The following ADAMTS4 variants were observed in gnomAD, a reference collection of about 807,000 sequenced individuals.
ADAMTS4 encodes A disintegrin and metalloproteinase with thrombospondin motifs 4.
A neutral mutation model predicts 66.7 loss-of-function variants in ADAMTS4; 38 were observed. The observed-to-expected ratio is 0.57, with a 90% CI of 0.44 to 0.75. The LOEUF (loss-of-function observed/expected upper bound fraction) is 0.75, where lower values mean the gene tolerates loss of function less well. ADAMTS4 is among the 30% of genes least tolerant of loss of function. The pLI, the probability that ADAMTS4 is intolerant of heterozygous loss-of-function variation, is 0.00. For synonymous variants in ADAMTS4, 418 were observed against 461.5 expected (o/e 0.91, Z 1.21); for missense variants, 1,014 against 1,116.7 (o/e 0.91, Z 1.31).
At chr1:161,197,258 G>A (rs1470465262) in intron 1 of ADAMTS4, 7 of 205,802 alleles carry the variant, frequency 3.4e-5, no homozygotes, top group South Asian at 2.7e-4. Flanking sequence ...GGGCTGCAAC[G>A]TGTCTGCCCT....
At chr1:161,195,405 A>G in intron 4 of ADAMTS4, 60 bp downstream of exon 4, 1 of 1,512,878 alleles carries the variant, frequency 6.6e-7, no homozygotes, top group South Asian at 1.3e-5. Flanking sequence ...CGGAAGTGAG[A>G]GTGCCCTGGA....
intron 4 of ADAMTS4, 114 bp downstream of exon 4, chr1:161,195,351 G>A (rs1451032001): frequency 5.5e-6 from 6 of 1,089,478 alleles, no homozygotes; most frequent in Non-Finnish European, 6.5e-6. Context: ...ACACTGCAGA[G>A]GAAGCACACT....
chr1:161,185,029 AAAG>A lies in ADAMTS4; in HGVS notation c.*6106_*6108del, dbSNP rs979301380. ...GAATGAGAATCTGTCTTAAGAAAAA[AAAG>A]AAGAAAAAGAAAGGCAGGGGGGGAG... On this transcript the variant is annotated 3_prime_UTR_variant, in exon 9 of 9. Coordinates refer to ENST00000367996, the MANE Select transcript of ADAMTS4 (RefSeq NM_005099.6). The A allele has an allele frequency of 7.4e-6, 1 of 135,724 alleles. No individual in the cohort carries two copies. Among genetic ancestry groups the A allele is most frequent in the Admixed American group, 7.7e-5 (1 of 13,002 alleles). 8.4% of individuals were successfully genotyped at this position (135,724 alleles called of 1,614,324 possible).
Position 161,193,259 on chromosome 1 carries a change from G to A in ADAMTS4, c.1865C>T (p.Thr622Ile). The change falls in exon 7 of 9, where the codon ACC becomes ATC. Residue 622 changes from threonine to isoleucine, a missense_variant. By Grantham distance (89) the Thr-to-Ile change is moderately conservative. Transcript: ENST00000367996. This position sits in a 1 kb window ranked among gnomAD's most constrained non-coding sequence, Gnocchi z 4.4. ...GVAPQDQCKL[T>I]CQAQALGYYY... ...GTAGCCCAGTGCCTGGGCCTGGCAG[G>A]TGAGTTTGCACTGGTCCTGGGGGGC... 6.2e-7 allele frequency: 1 copy of A among 1,614,066 alleles called. No individual in the cohort carries two copies. The highest frequency in any genetic ancestry group is 8.5e-7 in the Non-Finnish European group (1 of 1,179,996).
intron 1 of ADAMTS4, 165 bp from the exon 2 acceptor site, chr1:161,197,045 C>A: frequency 3.2e-6 from 2 of 627,988 alleles, no homozygotes; most frequent in Non-Finnish European, 5.5e-6. Context: ...TTGGGCCCTT[C>A]CCCCAACGCC....
At position 161,193,468 on chromosome 1, in the gene ADAMTS4, T is replaced by C. The variant is rs1664731372; in HGVS notation, c.1736-80A>G. On this transcript the variant is annotated intron_variant, in intron 6 of 8. Coordinates refer to ENST00000367996, the MANE Select transcript of ADAMTS4 (RefSeq NM_005099.6). This position sits in a 1 kb window ranked among gnomAD's most constrained non-coding sequence, Gnocchi z 4.4. ...CCCTCCACCCAACCCCTGAGAACTC[T>C]AGACAGCACAGCTCTGCTCTTCCCT... The C allele has an allele frequency of 2.6e-6, 4 of 1,554,196 alleles. No individual in the cohort carries two copies. The highest frequency in any genetic ancestry group is 2.3e-5 in the East Asian group (1 of 44,296).
intron 2 of ADAMTS4, 40 bp from the exon 3 acceptor site, chr1:161,196,343 A>C (rs200549421): frequency 3.4e-5 from 53 of 1,567,488 alleles, no homozygotes; most frequent in Non-Finnish European, 4.6e-5. Flanking sequence ...GACAGCCAAG[A>C]CACCTGGGTC....
rs143096816 is a variant in ADAMTS4, at chr1:161,192,109, G to A, written c.2043C>T (p.Asp681=). 7.6e-5 allele frequency: 123 copies of A among 1,614,048 alleles called. No individual in the cohort carries two copies. Among genetic ancestry groups the A allele is most frequent in the African/African-American group, 3.5e-4 (26 of 75,018 alleles). ...CTGACTGCTTGCTGCAACCAGAACC[G>A]TCCCCTCCGCACACCATGCACTTGT... The part of the protein sequence containing the change: ...KFDKCMVCGG[D]GSGCSKQSGS... Residue 681 remains aspartate, a synonymous_variant, in exon 8 of 9, where the codon GAC becomes GAT. Transcript: ENST00000367996.
chr1:161,194,780 T>C lies in ADAMTS4; in HGVS notation c.1262-559A>G, dbSNP rs926947239. On this transcript the variant is annotated intron_variant, in intron 4 of 8. Coordinates refer to ENST00000367996, the MANE Select transcript of ADAMTS4 (RefSeq NM_005099.6). The surrounding 1 kb of genome is among the most constrained non-coding windows in gnomAD (Gnocchi z 4.1). Reference sequence around the variant, plus strand: ...ATGCTTGACCAGCACTATTTAATCATGGCAAATACCTATGAGATAGGTACC... The same window carrying C: ...ATGCTTGACCAGCACTATTTAATCACGGCAAATACCTATGAGATAGGTACC... 2.0e-5 allele frequency among the ~76,000 whole-genome samples: 3 copies of C among 152,236 alleles called. No individual in the cohort carries two copies. Among genetic ancestry groups the C allele is most frequent in the African/African-American group, 7.2e-5 (3 of 41,466 alleles).
chr1:161,196,041 A>G, intron 3 of ADAMTS4, 130 bp downstream of exon 3: 2 of 1,137,538 alleles, frequency 1.8e-6, no homozygotes, highest in Non-Finnish European at 2.5e-6. Context: ...TGGAGCAGAG[A>G]GGAGTAATAG....
In ADAMTS4 at chr1:161,198,203, A is replaced by G. The variant is rs1165644171; in HGVS notation, c.425T>C (p.Leu142Pro). 2.5e-6 allele frequency: 4 copies of G among 1,613,978 alleles called. No individual in the cohort carries two copies. The highest frequency in any genetic ancestry group is 3.4e-6 in the Non-Finnish European group (4 of 1,179,982). The change falls in exon 1 of 9, where the codon CTG (leucine) becomes CCG (proline). Residue 142 changes from leucine (L) to proline (P), a missense_variant. Coordinates refer to ENST00000367996, the MANE Select transcript of ADAMTS4 (RefSeq NM_005099.6). This position sits in a 1 kb window ranked among gnomAD's most constrained non-coding sequence, Gnocchi z 4.7. Reference protein sequence around the residue: ...INGDPESVASLHWDGGALLGV... With the variant: ...INGDPESVASPHWDGGALLGV... ...TAACAGGGCTCCCCCATCCCAGTGC[A>G]GAGATGCCACCGACTCCGGATCTCC...
In ADAMTS4 at chr1:161,185,658, T is replaced by A. The variant is rs1311805734; in HGVS notation, c.*5480A>T. The A allele has an allele frequency of 1.3e-5, 2 of 152,030 alleles. No homozygotes were observed. The allele number at this position is 152,030 out of a possible 1,614,324, so 9.4% of individuals were successfully genotyped here. A position where few individuals can be genotyped will look rare whatever the true frequency, so the allele number is the denominator to read the frequency against. On this transcript the variant is annotated 3_prime_UTR_variant, in exon 9 of 9. Coordinates refer to ENST00000367996, the MANE Select transcript of ADAMTS4 (RefSeq NM_005099.6). ...TTCCTCCCCCACAAGCCCTGACCAA[T>A]GAGATGCTAGTTTTGTCACTTACTG...
Position 161,198,672 on chromosome 1 carries a change from C to T in ADAMTS4, c.-45G>A, listed in dbSNP as rs1412864689. 9.0e-6 allele frequency: 13 copies of T among 1,439,214 alleles called. No homozygotes were observed. The Admixed American group carries it at 1.6e-4, about 18-fold the overall frequency. 89.2% of individuals were successfully genotyped at this position (1,439,214 alleles called of 1,614,324 possible). A position where few individuals can be genotyped will look rare whatever the true frequency, so the allele number is the denominator to read the frequency against. Reference sequence around the variant, plus strand: ...GGAGGGACTGAGGCCGTCTAGGGCACCAAGTCCTCCACACCCTAGCTTTGG... The same window carrying T: ...GGAGGGACTGAGGCCGTCTAGGGCATCAAGTCCTCCACACCCTAGCTTTGG... On this transcript the variant is annotated 5_prime_UTR_variant, in exon 1 of 9. It adds an upstream start codon to the 5' untranslated region. Coordinates refer to ENST00000367996, the MANE Select transcript of ADAMTS4 (RefSeq NM_005099.6). The surrounding 1 kb of genome is among the most constrained non-coding windows in gnomAD (Gnocchi z 4.7).
rs1664650328 is a variant in ADAMTS4, at chr1:161,190,780, C to T, written c.*358G>A. 1 of 208,674 alleles carries T rather than the reference C, an allele frequency of 4.8e-6. No individual in the cohort carries two copies. Among genetic ancestry groups the T allele is most frequent in the Non-Finnish European group, 9.9e-6 (1 of 101,438 alleles). The allele number at this position is 208,674 out of a possible 1,614,324, so 12.9% of individuals were successfully genotyped here. ...GGGTCAGGGGTCAGGTTCCCCAGGA[C>T]CCTAGTCCTTGTCCCCTTCCCTGGT... On this transcript the variant is annotated 3_prime_UTR_variant, in exon 9 of 9. Transcript: ENST00000367996.
chr1:161,193,771 G>A lies in ADAMTS4; in HGVS notation c.1604C>T (p.Thr535Ile). 6.2e-7 allele frequency: 1 copy of A among 1,613,842 alleles called. No homozygotes were observed. Among genetic ancestry groups the A allele is most frequent in the East Asian group, 2.2e-5 (1 of 44,890 alleles). ...PWGPWGDCSR[T>I]CGGGVQFSSR... ...GGAGAACTGGACACCACCCCCACAG[G>A]TCCGAGAGCAGTCACCCCATGGTCC... The change falls in exon 6 of 9, where the codon ACC becomes ATC. Residue 535 changes from threonine (T) to isoleucine (I), a missense_variant. By Grantham distance (89) the Thr-to-Ile change is moderately conservative (BLOSUM62 -1). Transcript: ENST00000367996. This position sits in a 1 kb window ranked among gnomAD's most constrained non-coding sequence, Gnocchi z 4.4.
Position 161,198,697 on chromosome 1 carries a change from G to T in ADAMTS4, c.-70C>A. ...CCAAGTCCTCCACACCCTAGCTTTGGAAAGCTCCTCTCTGTAGCCTGGGGG... is the reference window on the plus strand; with the variant it reads ...CCAAGTCCTCCACACCCTAGCTTTGTAAAGCTCCTCTCTGTAGCCTGGGGG... On this transcript the variant is annotated 5_prime_UTR_variant, in exon 1 of 9. Coordinates refer to ENST00000367996, the MANE Select transcript of ADAMTS4 (RefSeq NM_005099.6). This position sits in a 1 kb window ranked among gnomAD's most constrained non-coding sequence, Gnocchi z 4.7. 2.2e-6 allele frequency: 3 copies of T among 1,375,036 alleles called. No individual in the cohort carries two copies. The highest frequency in any genetic ancestry group is 1.9e-6 in the Non-Finnish European group (2 of 1,038,568). The allele number at this position is 1,375,036 out of a possible 1,614,324, so 85.2% of individuals were successfully genotyped here.
In ADAMTS4 at chr1:161,195,586, C is replaced by G; in HGVS notation, c.1140G>C (p.Leu380Phe). The change falls in exon 4 of 9, where the codon TTG (leucine) becomes TTC (phenylalanine). Residue 380 changes from leucine (L) to phenylalanine (F), a missense_variant. Physicochemically the swap from Leu to Phe is conservative, Grantham distance 22. Transcript: ENST00000367996. ...LHDNSKPCIS[L>F]NGPLSTSRHV... is the part of the protein sequence containing the mutation. ...GGCGAGAGGTGCTCAAAGGCCCATTCAAACTGATGCATGGCTTGGAGTTGT... is the reference window on the plus strand; with the variant it reads ...GGCGAGAGGTGCTCAAAGGCCCATTGAAACTGATGCATGGCTTGGAGTTGT... 2 of 1,613,926 alleles carry G rather than the reference C, an allele frequency of 1.2e-6. No individual in the cohort carries two copies. The highest frequency in any genetic ancestry group is 1.7e-6 in the Non-Finnish European group (2 of 1,179,908).
In ADAMTS4 at chr1:161,193,838, C is replaced by T; in HGVS notation, c.1549-12G>A. 8 of 1,596,784 alleles carry T rather than the reference C, an allele frequency of 5.0e-6. No individual in the cohort carries two copies. Among genetic ancestry groups the T allele is most frequent in the Non-Finnish European group, 6.8e-6 (8 of 1,170,956 alleles). On this transcript the variant is annotated splice_polypyrimidine_tract_variant and intron_variant, in intron 5 of 8. Transcript: ENST00000367996. This position sits in a 1 kb window ranked among gnomAD's most constrained non-coding sequence, Gnocchi z 4.4. ...CCAGCCTGTGGAATCTGCAAAGGCA[C>T]AGAACGGAAGTGGGGCATAAGTGAA...
chr1:161,186,085 C>T lies in ADAMTS4; in HGVS notation c.*5053G>A, dbSNP rs60677420. 0.079 allele frequency: 12,051 copies of T among 152,334 alleles called. 524 individuals are homozygous for T. Among genetic ancestry groups the T allele is most frequent in the South Asian group, 0.13 (645 of 4,832 alleles). 9.4% of individuals were successfully genotyped at this position (152,334 alleles called of 1,614,324 possible). On this transcript the variant is annotated 3_prime_UTR_variant, in exon 9 of 9. Transcript: ENST00000367996. ...CATTTCCTCTTTTCATCTCCAGGAC[C>T]AGATACTTGAATTGTTTCAGTGCCT...
Sources: allele counts gnomAD v4.1 joint callset (sites outside exome capture counted in the v4.1 genomes callset), GRCh38; gene constraint gnomAD v4.1.1; non-coding constraint Gnocchi (gnomAD v3.1); transcripts MANE v1.5; gene names NCBI Gene and HGNC (gene_info 2026-07-23, HGNC 2026-07-21).